OXR1: variants seen among roughly 807,000 people sequenced by gnomAD.
OXR1 encodes oxidation resistance 1, also known as oxidation resistance protein 1.
A neutral mutation model predicts 104.6 loss-of-function variants in OXR1; 41 were observed. That is an observed-to-expected ratio of 0.39 (90% CI 0.31 to 0.51). The LOEUF is 0.51. Among genes scored for constraint, OXR1 ranks in the 20% least tolerant of loss-of-function variants. OXR1 has a pLI of 0.77. For synonymous variants in OXR1, 348 were observed against 348.4 expected, an observed-to-expected ratio of 1.00 and a Z score of 0.01; for missense variants, 955 against 1,031.9, an observed-to-expected ratio of 0.93 and a Z score of 1.02.
At chr8:106,354,041 C>G (rs1815853516) in intron 1 of OXR1, among the ~76,000 whole-genome samples, 1 of 151,856 alleles carries the variant, frequency 6.6e-6, no homozygotes, top group South Asian at 2.1e-4. Flanking sequence ...TTCAGGTTAT[C>G]CAAATTGTTT....
intron 3 of OXR1, among the ~76,000 whole-genome samples, chr8:106,661,616 G>A (rs1825772391): frequency 6.6e-6 from 1 of 152,078 alleles, no homozygotes; most frequent in African/African-American, 2.4e-5. Context: ...AATTTTACTA[G>A]TGTAGACTCT....
intron 3 of OXR1, among the ~76,000 whole-genome samples, chr8:106,655,615 TG>T (rs1220593619): frequency 6.6e-6 from 1 of 152,206 alleles, no homozygotes; most frequent in African/African-American, 2.4e-5. Flanking sequence ...TCATATTTGA[TG>T]GCCTATGATT....
chr8:106,671,125 A>T (rs1381620671), intron 3 of OXR1, among the ~76,000 whole-genome samples: 2 of 149,256 alleles, frequency 1.3e-5, no homozygotes, highest in South Asian at 2.1e-4. Flanking sequence ...ATCCCTATCA[A>T]CCTCTAGTGG....
At chr8:106,564,937 A>T (rs192746175) in intron 3 of OXR1, among the ~76,000 whole-genome samples, 10 of 152,326 alleles carry the variant, frequency 6.6e-5, no homozygotes, top group Admixed American at 2.6e-4. Context: ...ACACACCTTC[A>T]TGCTAAAAAC....
At chr8:106,486,599 A>G (rs1447744487) in intron 2 of OXR1, among the ~76,000 whole-genome samples, 1 of 152,140 alleles carries the variant, frequency 6.6e-6, no homozygotes, top group Admixed American at 6.6e-5. Context: ...TTTCAATTAC[A>G]TAAGTAGTAA....
chr8:106,303,761 C>T (rs1172276338), intron 1 of OXR1, among the ~76,000 whole-genome samples: 1 of 152,076 alleles, frequency 6.6e-6, no homozygotes, highest in Non-Finnish European at 1.5e-5. Context: ...ATTGGTGTGG[C>T]TTCCTTTCCA....
chr8:106,301,753 A>C (rs1586493672), intron 1 of OXR1, among the ~76,000 whole-genome samples: 1 of 152,360 alleles, frequency 6.6e-6, no homozygotes, highest in East Asian at 1.9e-4. Flanking sequence ...TATTCTCCTC[A>C]GAAAGCTTTC....
At chr8:106,709,236 A>C (rs1267420211) in intron 9 of OXR1, among the ~76,000 whole-genome samples, 1 of 152,170 alleles carries the variant, frequency 6.6e-6, no homozygotes, top group Non-Finnish European at 1.5e-5. Context: ...TATTTACATC[A>C]AATCAAGATT....
At position 106,692,724 on chromosome 8, in the gene OXR1, A is replaced by AT. The variant is rs944943349; in HGVS notation, c.526-4_526-3insT. The AT allele has an allele frequency of 1.4e-6, 2 of 1,441,364 alleles. No homozygotes were observed. The highest frequency in any genetic ancestry group is 1.8e-6 in the Non-Finnish European group (2 of 1,090,058). The allele number at this position is 1,441,364 out of a possible 1,614,324, so 89.3% of individuals were successfully genotyped here. A position where few individuals can be genotyped will look rare whatever the true frequency, so the allele number is the denominator to read the frequency against. Reference sequence around the variant, plus strand: ...TTTTTCTTTCCTTTAAAAAAAAAAAAAAGAATCCTGATGTCCATCCAACAG... The same window carrying AT: ...TTTTTCTTTCCTTTAAAAAAAAAAAATAAGAATCCTGATGTCCATCCAACAG... On this transcript the variant is annotated splice_region_variant and splice_polypyrimidine_tract_variant and intron_variant, in intron 6 of 16. Transcript: ENST00000517566.
Position 106,275,082 on chromosome 8 carries a change from T to C in OXR1, c.-139+4715T>C, listed in dbSNP as rs371573417. Among the ~76,000 whole-genome samples, 4 of 152,340 alleles carry C rather than the reference T, an allele frequency of 2.6e-5. No individual in the cohort carries two copies. In the East Asian group the frequency reaches 5.8e-4, roughly 22 times the overall value. The stretch of plus-strand genomic sequence containing the variant: ...AACATAAGATGGGCATTCATTTTCA[T>C]TGAATTTGGAGCAATTATAGAGATA... On this transcript the variant is annotated intron_variant, in intron 1 of 16. Transcript: ENST00000517566.
At chr8:106,615,155 C>A (rs548715451) in intron 3 of OXR1, among the ~76,000 whole-genome samples, 1 of 151,986 alleles carries the variant, frequency 6.6e-6, no homozygotes, top group African/African-American at 2.4e-5. Context: ...ATAGGCCAGG[C>A]GCGGTGGCTC....
chr8:106,329,859 A>G (rs1814637959), intron 1 of OXR1, among the ~76,000 whole-genome samples: 1 of 151,910 alleles, frequency 6.6e-6, no homozygotes, highest in Non-Finnish European at 1.5e-5. Context: ...ATCACCTATA[A>G]TGGGGAATCA....
rs185595272 is a variant in OXR1 at position 106,275,991 on chromosome 8, C to T, written c.-139+5624C>T. ...TCTTAAGAAAAAAAATAGCCTGGAA[C>T]ATTTCCCCAGGCTTTCAGTCTTCTT... On this transcript the variant is annotated intron_variant, in intron 1 of 16. Coordinates refer to ENST00000517566, the MANE Select transcript of OXR1 (RefSeq NM_001198533.2). Among the ~76,000 whole-genome samples, 413 of 152,290 alleles carry T rather than the reference C, an allele frequency of 2.7e-3. 3 individuals carry two copies. Among genetic ancestry groups the T allele is most frequent in the African/African-American group, 9.2e-3 (384 of 41,550 alleles).
chr8:106,503,892 G>T (rs1811980746), intron 2 of OXR1, among the ~76,000 whole-genome samples: 1 of 152,188 alleles, frequency 6.6e-6, no homozygotes. Context: ...AGAGCCCTGG[G>T]AAGGAGCTAT....
At chr8:106,443,661 A>G (rs1368545995) in intron 2 of OXR1, among the ~76,000 whole-genome samples, 2 of 152,148 alleles carry the variant, frequency 1.3e-5, no homozygotes, top group African/African-American at 4.8e-5. Flanking sequence ...CCATGTTATA[A>G]TGCCCTTCTT....
At chr8:106,435,972 T>C (rs1198909017) in intron 2 of OXR1, among the ~76,000 whole-genome samples, 1 of 152,176 alleles carries the variant, frequency 6.6e-6, no homozygotes, top group Non-Finnish European at 1.5e-5. Context: ...TTCTGGATGC[T>C]ACATCCATTT....
chr8:106,544,929 T>C (rs1815235533), intron 3 of OXR1, among the ~76,000 whole-genome samples: 1 of 152,206 alleles, frequency 6.6e-6, no homozygotes, highest in African/African-American at 2.4e-5. Flanking sequence ...CCAGAAACAA[T>C]ATTGCCCATC....
chr8:106,637,645 C>G (rs1402339127), intron 3 of OXR1, among the ~76,000 whole-genome samples: 1 of 151,618 alleles, frequency 6.6e-6, no homozygotes, highest in Non-Finnish European at 1.5e-5. Context: ...TGTTTATAGA[C>G]AAAAACCGTT....
intron 1 of OXR1, among the ~76,000 whole-genome samples, chr8:106,311,508 G>A (rs1239587821): frequency 6.6e-6 from 1 of 152,078 alleles, no homozygotes; most frequent in Admixed American, 6.5e-5. Flanking sequence ...TTTTTGTCCT[G>A]TGTGTGTTAA....
Sources: gnomAD v4.1 joint callset for allele counts (sites outside exome capture counted in the v4.1 genomes callset) on GRCh38, gnomAD v4.1.1 for gene constraint, MANE v1.5 for transcripts, NCBI Gene and HGNC (gene_info 2026-07-23, HGNC 2026-07-21) for gene names.